Variants in BRF1 observed in about 807,000 individuals in gnomAD.
The protein encoded by BRF1 is BRF1 general transcription factor IIIB subunit.
BRF1 carries 59 observed loss-of-function variants against 81.7 expected under a neutral mutation model. The ratio of observed to expected loss-of-function variants is 0.72; its 90% CI spans 0.59 to 0.90. The LOEUF is 0.90. Among genes scored for constraint, BRF1 ranks in the 40% least tolerant of loss-of-function variants. The probability of loss-of-function intolerance (pLI) is 0.00; values close to 1 mark genes in which losing one functional copy is unlikely to be tolerated. For missense variants in BRF1, 1,050 were observed against 936.3 expected (o/e 1.12, Z -1.58); for synonymous variants, 491 against 395.6 (o/e 1.24, Z -2.86).
chr14:105,225,794 C>G (rs1006890725), intron 10 of BRF1, among the ~76,000 whole-genome samples: 1 of 152,158 alleles, frequency 6.6e-6, no homozygotes, highest in Non-Finnish European at 1.5e-5. Context: ...ACTACAGGTG[C>G]GCACCACCAC....
chr14:105,265,706 G>T (rs11624929), intron 3 of BRF1, among the ~76,000 whole-genome samples: 2 of 151,878 alleles, frequency 1.3e-5, no homozygotes, highest in African/African-American at 2.4e-5. Flanking sequence ...GACCATCCTG[G>T]CTAACACAGT....
At chr14:105,219,803 G>A in intron 12 of BRF1, 1 of 555,986 alleles carries the variant, frequency 1.8e-6, no homozygotes. Flanking sequence ...TGCGATGTGT[G>A]CCTGCTGCAG....
At chr14:105,220,656 C>A (rs1005692299) in intron 11 of BRF1, among the ~76,000 whole-genome samples, 2 of 152,180 alleles carry the variant, frequency 1.3e-5, no homozygotes, top group Non-Finnish European at 2.9e-5. Context: ...CCCTGCCCAG[C>A]CCCACGCAGT....
chr14:105,241,067 C>G (rs1207566848), intron 6 of BRF1, among the ~76,000 whole-genome samples, 198 bp downstream of exon 6: 2 of 152,234 alleles, frequency 1.3e-5, no homozygotes, highest in African/African-American at 2.4e-5. Context: ...CCAGGACACG[C>G]AGAGGCCAAC....
chr14:105,312,639 G>C (rs183280667), intron 1 of BRF1, among the ~76,000 whole-genome samples: 2 of 152,338 alleles, frequency 1.3e-5, no homozygotes, highest in African/African-American at 4.8e-5. Flanking sequence ...GTGACCCACA[G>C]CCCTCAAGAG....
rs1387048834 is a variant in BRF1 at position 105,250,988 on chromosome 14, T to C, written c.544+1519A>G. ...GGATCTTCCTGCTACCCTCTTGGATTCTAAGTGGTTCCAAGCTTAACTTGA... is the reference window on the plus strand; with the variant it reads ...GGATCTTCCTGCTACCCTCTTGGATCCTAAGTGGTTCCAAGCTTAACTTGA... On this transcript the variant is annotated intron_variant, in intron 5 of 17. Transcript: ENST00000547530. 3 of 338,354 alleles carry C rather than the reference T, an allele frequency of 8.9e-6. No individual in the cohort carries two copies. In the East Asian group the frequency reaches 1.6e-4, roughly 18 times the overall value. 21.0% of individuals were successfully genotyped at this position (338,354 alleles called of 1,614,324 possible).
chr14:105,250,831 G>A (rs1249897342), intron 5 of BRF1: 1 of 775,452 alleles, frequency 1.3e-6, no homozygotes. Flanking sequence ...CACACAGCCA[G>A]AACCCAGGGA....
At chr14:105,277,786 G>A (rs2816635) in intron 2 of BRF1, among the ~76,000 whole-genome samples, 36,049 of 152,058 alleles carry the variant, frequency 0.24, 4,552 homozygotes, top group South Asian at 0.28. Flanking sequence ...ATGGAGTCTC[G>A]CTCTGTCACC....
intron 1 of BRF1, among the ~76,000 whole-genome samples, chr14:105,297,912 C>T (rs1288240984): frequency 6.6e-6 from 1 of 152,196 alleles, no homozygotes; most frequent in African/African-American, 2.4e-5. Flanking sequence ...AGGAGAATGG[C>T]GTGAAGCCAG....
At chr14:105,241,230 A>T (rs770066360) in intron 6 of BRF1, 35 bp downstream of exon 6, 1 of 1,604,594 alleles carries the variant, frequency 6.2e-7, no homozygotes, top group East Asian at 2.2e-5. Context: ...CAGGACCCAG[A>T]CCAGCATCCC....
intron 1 of BRF1, among the ~76,000 whole-genome samples, chr14:105,314,075 G>A (rs2058436634): frequency 6.6e-6 from 1 of 152,266 alleles, no homozygotes; most frequent in Non-Finnish European, 1.5e-5. Context: ...AGCCCTGGAG[G>A]CTAAGCTCGG....
Position 105,309,352 on chromosome 14 carries a change from T to C in BRF1, c.-162+5970A>G, listed in dbSNP as rs1566886258. Among the ~76,000 whole-genome samples the C allele has an allele frequency of 6.6e-6, 1 of 152,116 alleles. No individual in the cohort carries two copies. The highest frequency in any genetic ancestry group is 1.5e-5 in the Non-Finnish European group (1 of 68,022). On this transcript the variant is annotated intron_variant, in intron 1 of 17. Transcript: ENST00000327359. The surrounding 1 kb of genome is among the most constrained non-coding windows in gnomAD (Gnocchi z 4.0). ...CCCTGATTTGTCACACAATCACATA[T>C]CTGAGAATTTCCCCATGTTGCTAAA...
chr14:105,312,465 C>A lies in BRF1; in HGVS notation c.-162+2857G>T, dbSNP rs587595181. On this transcript the variant is annotated intron_variant, in intron 1 of 17. Coordinates refer to the BRF1 transcript ENST00000327359. The stretch of plus-strand genomic sequence containing the variant: ...GGACCTCCTCCCCAACCGTGCCCAG[C>A]CACCCCAGTCATCCGAGAGGTTTGT... Among the ~76,000 whole-genome samples the A allele has an allele frequency of 3.3e-5, 5 of 152,362 alleles. No homozygotes were observed. In the South Asian group the frequency reaches 1.0e-3, roughly 32 times the overall value.
chr14:105,263,293 A>G (rs1328415896), intron 3 of BRF1, among the ~76,000 whole-genome samples: 1 of 151,102 alleles, frequency 6.6e-6, no homozygotes, highest in Non-Finnish European at 1.5e-5. Context: ...TTGGCAAGGG[A>G]AGATAGAGTT....
At chr14:105,241,628 C>T in intron 5 of BRF1, 2 of 636,990 alleles carry the variant, frequency 3.1e-6, no homozygotes, top group Non-Finnish European at 5.4e-6. Flanking sequence ...CTGCTGCCAG[C>T]CAGCCTGCTG....
At chr14:105,288,767 G>A (rs1039545314) in intron 1 of BRF1, among the ~76,000 whole-genome samples, 8 of 151,464 alleles carry the variant, frequency 5.3e-5, no homozygotes, top group African/African-American at 1.9e-4. Flanking sequence ...CCGAGTAGCT[G>A]GGACTACAGG....
At chr14:105,249,668 G>C (rs945061286) in intron 5 of BRF1, 1 of 1,613,010 alleles carries the variant, frequency 6.2e-7, no homozygotes, top group Non-Finnish European at 8.5e-7. Flanking sequence ...GATCGATCTG[G>C]AAGCCGACAC....
chr14:105,221,941 C>G, intron 10 of BRF1, 27 bp from the exon 11 acceptor site: 1 of 1,542,536 alleles, frequency 6.5e-7, no homozygotes, highest in Non-Finnish European at 8.7e-7. Context: ...CACCTGTTAA[C>G]CAGGCAGAGG....
At chr14:105,228,124 C>G (rs1389727634) in intron 7 of BRF1, 1 of 152,228 alleles carries the variant, frequency 6.6e-6, no homozygotes, top group Admixed American at 6.5e-5. Flanking sequence ...CGGCTTCTCA[C>G]TGGGACAGGG....
Sources: allele counts gnomAD v4.1 joint callset (sites outside exome capture counted in the v4.1 genomes callset), GRCh38; gene constraint gnomAD v4.1.1; non-coding constraint Gnocchi (gnomAD v3.1); transcripts MANE v1.5; gene names NCBI Gene and HGNC (gene_info 2026-07-23, HGNC 2026-07-21).